The following SAMD4A variants were observed in gnomAD, a reference collection of about 807,000 sequenced individuals.
SAMD4A encodes sterile alpha motif domain containing 4A, also known as protein Smaug homolog 1.
Under a neutral mutation model 81.3 loss-of-function variants are expected in SAMD4A, and 33 were observed. That is an observed-to-expected ratio of 0.41 (90% CI 0.31 to 0.54). The LOEUF is 0.54. SAMD4A is among the 20% of genes least tolerant of loss of function. The probability of loss-of-function intolerance (pLI) is 0.37; values close to 1 mark genes in which losing one functional copy is unlikely to be tolerated. For missense variants in SAMD4A, 854 were observed against 951.1 expected (o/e 0.90, Z 1.34); for synonymous variants, 389 against 382.1 (o/e 1.02, Z -0.21).
intron 2 of SAMD4A, among the ~76,000 whole-genome samples, chr14:54,634,719 ATCTGTCTG>A (rs3049869): frequency 0.34 from 48,487 of 142,068 alleles, 8,342 homozygotes; most frequent in East Asian, 0.6. Context: ...CTATCTATCT[ATCTGTCTG>A]TCTGTCTGTC....
chr14:54,703,764 G>C (rs1026715389), intron 3 of SAMD4A: 1 of 152,182 alleles, frequency 6.6e-6, no homozygotes, highest in African/African-American at 2.4e-5. Flanking sequence ...AGCTACTCGG[G>C]AGGCTGAGGT....
intron 2 of SAMD4A, among the ~76,000 whole-genome samples, chr14:54,675,367 CA>C (rs59110762): frequency 2.0e-3 from 147 of 75,352 alleles, no homozygotes; most frequent in East Asian, 4.3e-3. Flanking sequence ...ACTCCGTCTC[CA>C]AAAAAAAAAA....
chr14:54,702,743 C>T (rs1228923704), intron 3 of SAMD4A, 163 bp downstream of exon 3: 1 of 792,560 alleles, frequency 1.3e-6, no homozygotes, highest in Non-Finnish European at 2.0e-6. Context: ...ATATTTGTTG[C>T]TCTTTGACTC....
chr14:54,764,379 A>C, intron 7 of SAMD4A, 76 bp from the exon 8 acceptor site: 1 of 991,220 alleles, frequency 1.0e-6, no homozygotes, highest in Non-Finnish European at 1.6e-6. Flanking sequence ...GTTGGACCTG[A>C]AGGGAAATGA....
At chr14:54,752,651 G>T (rs1332591769) in intron 6 of SAMD4A, among the ~76,000 whole-genome samples, 1 of 152,180 alleles carries the variant, frequency 6.6e-6, no homozygotes, top group African/African-American at 2.4e-5. Context: ...TTCTAATCGG[G>T]CAGGACGAGA....
rs1566633417 is a variant in SAMD4A at position 54,775,060 on chromosome 14, G to A, written c.1842G>A (p.Leu614=). 4 of 1,614,146 alleles carry A rather than the reference G, an allele frequency of 2.5e-6. No homozygotes were observed. Among genetic ancestry groups the A allele is most frequent in the East Asian group, 2.2e-5 (1 of 44,850 alleles). Reference sequence around the variant, plus strand: ...TCCCTTCCGCCCGCCTGGGCCTCTTGGGCACCAGTGGATTCGTCAGCTCCA... The same window carrying A: ...TCCCTTCCGCCCGCCTGGGCCTCTTAGGCACCAGTGGATTCGTCAGCTCCA... The part of the protein sequence containing the change: ...RNVPSARLGL[L]GTSGFVSSNQ... The change falls in exon 10 of 13, where the codon TTG becomes TTA. Residue 614 remains leucine (L), a synonymous_variant. Transcript: ENST00000554335.
Position 54,776,551 on chromosome 14 carries a change from G to A in SAMD4A, c.2044+11G>A. ...TGTTCCAGCAGCCAGGTAGGGCCCG[G>A]CGCTTCATGTCCCCTTGACACAGAG... On this transcript the variant is annotated intron_variant, in intron 11 of 12. Coordinates refer to ENST00000554335, the MANE Select transcript of SAMD4A (RefSeq NM_015589.6). 4.5e-6 allele frequency: 7 copies of A among 1,553,080 alleles called. No homozygotes were observed. Among genetic ancestry groups the A allele is most frequent in the Non-Finnish European group, 6.1e-6 (7 of 1,152,894 alleles).
chr14:54,649,602 G>T (rs955440704), intron 2 of SAMD4A, among the ~76,000 whole-genome samples: 2 of 152,148 alleles, frequency 1.3e-5, no homozygotes, highest in Admixed American at 1.3e-4. Flanking sequence ...TTGTCGTGTC[G>T]CAAGTCAATT....
At position 54,679,663 on chromosome 14, in the gene SAMD4A, C is replaced by T. The variant is rs372523102; in HGVS notation, c.197-22399C>T. Reference sequence around the variant, plus strand: ...TTTCCATGTCATCCTTTGGAAGTGGCGGGTGATGGAAGACCATTTTGTGTA... The same window carrying T: ...TTTCCATGTCATCCTTTGGAAGTGGTGGGTGATGGAAGACCATTTTGTGTA... On this transcript the variant is annotated intron_variant, in intron 2 of 12. Coordinates refer to ENST00000554335, the MANE Select transcript of SAMD4A (RefSeq NM_015589.6). Among the ~76,000 whole-genome samples, 51 of 152,226 alleles carry T rather than the reference C, an allele frequency of 3.4e-4. No individual in the cohort carries two copies. In the East Asian group the frequency reaches 3.9e-3, roughly 12 times the overall value.
intron 2 of SAMD4A, among the ~76,000 whole-genome samples, chr14:54,619,003 C>T (rs973530032): frequency 1.3e-5 from 2 of 151,826 alleles, no homozygotes; most frequent in African/African-American, 4.8e-5. Flanking sequence ...AAAAAAGAGC[C>T]CCTTTATTAA....
chr14:54,623,864 T>TA (rs1475721403), intron 2 of SAMD4A, among the ~76,000 whole-genome samples: 4 of 152,330 alleles, frequency 2.6e-5, no homozygotes, highest in Admixed American at 2.0e-4. Flanking sequence ...TCCTCTAACT[T>TA]AACCAGGAAG....
intron 2 of SAMD4A, among the ~76,000 whole-genome samples, chr14:54,638,530 T>G (rs1417041924): frequency 6.6e-6 from 1 of 152,236 alleles, no homozygotes; most frequent in East Asian, 1.9e-4. Flanking sequence ...TTATGATAAA[T>G]TATCAGAGGC....
chr14:54,771,916 G>C (rs758434941), intron 9 of SAMD4A, among the ~76,000 whole-genome samples: 3 of 152,218 alleles, frequency 2.0e-5, no homozygotes, highest in Non-Finnish European at 4.4e-5. Flanking sequence ...CCTCTCCAGG[G>C]TGTTTGTTAG....
At chr14:54,776,573 A>C in intron 11 of SAMD4A, 33 bp downstream of exon 11, 2 of 1,501,244 alleles carry the variant, frequency 1.3e-6, no homozygotes, top group Non-Finnish European at 1.8e-6. Flanking sequence ...CCCTTGACAC[A>C]GAGGGGAGGC....
chr14:54,585,879 A>C (rs547857291), intron 2 of SAMD4A, among the ~76,000 whole-genome samples: 2 of 152,258 alleles, frequency 1.3e-5, no homozygotes, highest in African/African-American at 4.8e-5. Context: ...TTGCCATTGC[A>C]AATTGTGCTG....
At position 54,789,027 on chromosome 14, in the gene SAMD4A, A is replaced by G; in HGVS notation, c.*83A>G. 4.7e-6 allele frequency: 7 copies of G among 1,476,064 alleles called. No homozygotes were observed. The South Asian group carries it at 7.9e-5, about 17-fold the overall frequency. 91.4% of individuals were successfully genotyped at this position (1,476,064 alleles called of 1,614,324 possible). A position where few individuals can be genotyped will look rare whatever the true frequency, so the allele number is the denominator to read the frequency against. ...TCCGCCATCTTCAGGGTTGCACAGA[A>G]TCCTCCAAGATACTTTGCAGCCTTT... is the stretch of plus-strand genomic sequence containing the variant. On this transcript the variant is annotated 3_prime_UTR_variant, in exon 13 of 13. Coordinates refer to ENST00000554335, the MANE Select transcript of SAMD4A (RefSeq NM_015589.6).
At chr14:54,652,317 G>T (rs1410825350) in intron 2 of SAMD4A, among the ~76,000 whole-genome samples, 1 of 152,162 alleles carries the variant, frequency 6.6e-6, no homozygotes, top group Non-Finnish European at 1.5e-5. Flanking sequence ...ATCTAAAAGC[G>T]AAAGAATGTA....
intron 2 of SAMD4A, among the ~76,000 whole-genome samples, chr14:54,672,992 A>G (rs2035917169): frequency 2.0e-5 from 3 of 152,234 alleles, no homozygotes; most frequent in Admixed American, 2.0e-4. Flanking sequence ...AATGATCTCC[A>G]GAGAGGTACC....
At position 54,774,805 on chromosome 14, in the gene SAMD4A, C is replaced by A. The variant is rs145912205; in HGVS notation, c.1716-129C>A. The A allele has an allele frequency of 2.4e-3, 2,021 of 832,630 alleles. 19 individuals are homozygous for A. In the African/African-American group the frequency reaches 0.034, roughly 14 times the overall value. The allele number at this position is 832,630 out of a possible 1,614,324, so 51.6% of individuals were successfully genotyped here. A position where few individuals can be genotyped will look rare whatever the true frequency, so the allele number is the denominator to read the frequency against. ...CTCCAACCTGGGTAACAGAGTGAGA[C>A]CCTGACTCAAAAAAAAAAAAAAAAA... On this transcript the variant is annotated intron_variant, in intron 9 of 12. Coordinates refer to ENST00000554335, the MANE Select transcript of SAMD4A (RefSeq NM_015589.6).
Sources: gnomAD v4.1 joint callset for allele counts (sites outside exome capture counted in the v4.1 genomes callset) on GRCh38, gnomAD v4.1.1 for gene constraint, MANE v1.5 for transcripts, NCBI Gene and HGNC (gene_info 2026-07-23, HGNC 2026-07-21) for gene names.